Variants in GNAI1 observed in about 807,000 individuals in gnomAD.
GNAI1 encodes guanine nucleotide-binding protein G(i) subunit alpha-1.
In GNAI1, 11 loss-of-function variants were observed where a neutral mutation model predicts 38.9. The observed-to-expected ratio is 0.28, with a 90% CI of 0.18 to 0.47. The LOEUF (loss-of-function observed/expected upper bound fraction) is 0.47. Among genes scored for constraint, GNAI1 ranks in the 20% least tolerant of loss-of-function variants. The pLI is 0.99. For synonymous variants in GNAI1, 166 were observed against 145.1 expected (o/e 1.14, Z -1.04); for missense variants, 317 against 436.9 (o/e 0.73, Z 2.45).
chr7:80,208,819 T>C (rs527811161), intron 5 of GNAI1, among the ~76,000 whole-genome samples: 3 of 152,318 alleles, frequency 2.0e-5, no homozygotes, highest in South Asian at 4.1e-4. Context: ...GTTCATTGCT[T>C]AGAAGTTGCA....
chr7:80,137,056 G>T (rs879887201), intron 1 of GNAI1, among the ~76,000 whole-genome samples: 16 of 152,056 alleles, frequency 1.1e-4, no homozygotes, highest in Non-Finnish European at 7.4e-5. Flanking sequence ...GCTAGTAGCA[G>T]CCCCCTAACC....
intron 1 of GNAI1, among the ~76,000 whole-genome samples, chr7:80,158,516 T>G (rs570471657): frequency 7.2e-5 from 11 of 152,214 alleles, no homozygotes; most frequent in Non-Finnish European, 8.8e-5. Flanking sequence ...TGATTTCACA[T>G]GAGATCTGGT....
intron 1 of GNAI1, chr7:80,135,769 T>C: frequency 1.0e-6 from 1 of 983,618 alleles, no homozygotes; most frequent in Non-Finnish European, 1.2e-6. Flanking sequence ...TCAGTGCACC[T>C]TTTGTGGGGC....
At chr7:80,142,634 A>C (rs1426822481) in intron 1 of GNAI1, among the ~76,000 whole-genome samples, 1 of 152,206 alleles carries the variant, frequency 6.6e-6, no homozygotes, top group East Asian at 1.9e-4. Flanking sequence ...TTAATGGATA[A>C]ATTGTTGAAC....
chr7:80,208,191 A>G (rs1788810070), intron 5 of GNAI1, among the ~76,000 whole-genome samples: 1 of 152,080 alleles, frequency 6.6e-6, no homozygotes, highest in African/African-American at 2.4e-5. Context: ...AGAAAACTCA[A>G]ATTCATTTCC....
chr7:80,175,468 C>T (rs545883952), intron 1 of GNAI1, among the ~76,000 whole-genome samples: 24 of 151,716 alleles, frequency 1.6e-4, no homozygotes, highest in African/African-American at 5.1e-4. Context: ...AGATTCATTC[C>T]AAGTACAAGA....
At chr7:80,196,418 C>G (rs1295539742) in intron 3 of GNAI1, among the ~76,000 whole-genome samples, 1 of 152,008 alleles carries the variant, frequency 6.6e-6, no homozygotes, top group East Asian at 1.9e-4. Flanking sequence ...TTTTTCTACT[C>G]TGTATCACAC....
chr7:80,184,212 A>C (rs1562835075), intron 1 of GNAI1, among the ~76,000 whole-genome samples: 1 of 152,192 alleles, frequency 6.6e-6, no homozygotes, highest in African/African-American at 2.4e-5. Context: ...GAGAAGTTTT[A>C]GAGGAGTGAA....
At chr7:80,153,902 A>G (rs560464474) in intron 1 of GNAI1, among the ~76,000 whole-genome samples, 1 of 152,192 alleles carries the variant, frequency 6.6e-6, no homozygotes, top group Admixed American at 6.5e-5. Flanking sequence ...TAGTCACTGA[A>G]CTGATTATTT....
chr7:80,199,267 G>A lies in GNAI1; in HGVS notation c.346G>A (p.Glu116Lys). 3 of 1,613,326 alleles carry A rather than the reference G, an allele frequency of 1.9e-6. No individual in the cohort carries two copies. The highest frequency in any genetic ancestry group is 2.5e-6 in the Non-Finnish European group (3 of 1,179,524). The change falls in exon 4 of 8, where the codon GAA becomes AAA. Residue 116 changes from glutamate to lysine, a missense_variant. Physicochemically the swap from Glu to Lys is moderately conservative, Grantham distance 56 (BLOSUM62 1). Around this residue, in one of 5 missense-constraint regions of GNAI1, gnomAD observed 67 missense variants for 61.5 expected, o/e 1.09. Transcript: ENST00000649796. ...CTTTGTGCTAGCTGGAGCTGCTGAAGAAGGCTTTATGACTGCAGAACTTGC... is the reference window on the plus strand; with the variant it reads ...CTTTGTGCTAGCTGGAGCTGCTGAAAAAGGCTTTATGACTGCAGAACTTGC... ...QLFVLAGAAE[E>K]GFMTAELAGV...
At chr7:80,184,387 C>T (rs919738933) in intron 1 of GNAI1, among the ~76,000 whole-genome samples, 1 of 152,110 alleles carries the variant, frequency 6.6e-6, no homozygotes, top group African/African-American at 2.4e-5. Flanking sequence ...TGATTCTTCC[C>T]TTGGGGTGGG....
intron 1 of GNAI1, among the ~76,000 whole-genome samples, chr7:80,182,439 G>C (rs1360437298): frequency 6.6e-6 from 1 of 151,948 alleles, no homozygotes; most frequent in East Asian, 1.9e-4. Flanking sequence ...GGGGAAAGTG[G>C]GTCATTTTGA....
At chr7:80,206,493 G>A (rs1013728528) in intron 5 of GNAI1, among the ~76,000 whole-genome samples, 16 of 151,952 alleles carry the variant, frequency 1.1e-4, no homozygotes, top group African/African-American at 3.4e-4. Context: ...AATCAGATAT[G>A]TCTGATCTGG....
At chr7:80,198,844 C>T (rs1362657823) in intron 3 of GNAI1, among the ~76,000 whole-genome samples, 3 of 152,148 alleles carry the variant, frequency 2.0e-5, no homozygotes, top group Non-Finnish European at 2.9e-5. Context: ...GTTTAGAAAA[C>T]ATTTTGAGGA....
At chr7:80,160,525 A>G (rs1787906089) in intron 1 of GNAI1, among the ~76,000 whole-genome samples, 1 of 152,092 alleles carries the variant, frequency 6.6e-6, no homozygotes, top group African/African-American at 2.4e-5. Flanking sequence ...TTGGGAATTG[A>G]CCAAGCAGCT....
chr7:80,152,926 T>C (rs970730524), intron 1 of GNAI1, among the ~76,000 whole-genome samples: 16 of 151,718 alleles, frequency 1.1e-4, no homozygotes, highest in African/African-American at 3.9e-4. Flanking sequence ...AGATTTCAAA[T>C]GAAAAGTGAA....
intron 3 of GNAI1, among the ~76,000 whole-genome samples, chr7:80,193,455 G>A (rs1471467906): frequency 6.6e-6 from 1 of 152,182 alleles, no homozygotes; most frequent in East Asian, 1.9e-4. Flanking sequence ...GCATAGAGCA[G>A]TCACATTTTA....
intron 5 of GNAI1, among the ~76,000 whole-genome samples, chr7:80,210,329 A>G (rs1788851344): frequency 1.3e-5 from 2 of 152,168 alleles, no homozygotes; most frequent in Admixed American, 6.5e-5. Context: ...TTTTAAGGCC[A>G]TTCAGTAGGA....
chr7:80,181,388 A>G (rs1788290990), intron 1 of GNAI1, among the ~76,000 whole-genome samples: 1 of 152,232 alleles, frequency 6.6e-6, no homozygotes, highest in Non-Finnish European at 1.5e-5. Context: ...CACCCTTCAA[A>G]CATATGGTGT....
Sources: gnomAD v4.1 joint callset for allele counts (sites outside exome capture counted in the v4.1 genomes callset) on GRCh38, gnomAD v4.1.1 for gene constraint, gnomAD v4.1.1 regional missense constraint, MANE v1.5 for transcripts, NCBI Gene and HGNC (gene_info 2026-07-23, HGNC 2026-07-21) for gene names.